Variants in CEP112 observed in about 807,000 individuals in gnomAD.
CEP112 encodes centrosomal protein 112.
In CEP112, 127 loss-of-function variants were observed where a neutral mutation model predicts 153.0. That is an observed-to-expected ratio of 0.83 (90% CI 0.72 to 0.96). CEP112 has a LOEUF of 0.96. CEP112 is among the 40% of genes least tolerant of loss of function. The pLI, the probability that CEP112 is intolerant of heterozygous loss-of-function variation, is 0.00. For missense variants in CEP112, 1,089 were observed against 1,101.2 expected, an observed-to-expected ratio of 0.99 and a Z score of 0.16; for synonymous variants, 358 against 374.4, an observed-to-expected ratio of 0.96 and a Z score of 0.51.
chr17:66,073,019 A>C (rs946322982), intron 8 of CEP112, among the ~76,000 whole-genome samples: 2 of 152,146 alleles, frequency 1.3e-5, no homozygotes, highest in African/African-American at 4.8e-5. Flanking sequence ...AAACATTTCT[A>C]ATTAGTTTGA....
chr17:66,177,745 A>T (rs2072547553), intron 2 of CEP112, among the ~76,000 whole-genome samples: 1 of 151,016 alleles, frequency 6.6e-6, no homozygotes, highest in Non-Finnish European at 1.5e-5. Flanking sequence ...TCTGGAAACC[A>T]TCCTTCTATC....
intron 17 of CEP112, among the ~76,000 whole-genome samples, chr17:65,980,389 T>C (rs1031376118): frequency 6.6e-6 from 1 of 152,212 alleles, no homozygotes; most frequent in Non-Finnish European, 1.5e-5. Context: ...CACAAGTTTT[T>C]GAAGGATAGA....
At chr17:65,986,742 CAG>C (rs769525193) in intron 17 of CEP112, among the ~76,000 whole-genome samples, 3 of 152,194 alleles carry the variant, frequency 2.0e-5, no homozygotes, top group East Asian at 1.9e-4. Flanking sequence ...ACTAGTAAAG[CAG>C]AGTTTCTACA....
chr17:65,743,890 T>A (rs1249184694), intron 22 of CEP112, among the ~76,000 whole-genome samples: 1 of 151,936 alleles, frequency 6.6e-6, no homozygotes, highest in Non-Finnish European at 1.5e-5. Context: ...GCCTCCCGAG[T>A]AGCTGGGATT....
chr17:66,003,899 A>G (rs1328730946), intron 17 of CEP112, among the ~76,000 whole-genome samples: 3 of 152,016 alleles, frequency 2.0e-5, no homozygotes, highest in African/African-American at 7.2e-5. Context: ...CCCACCCCCT[A>G]TCCATGGAAA....
At chr17:65,651,040 G>A (rs1170998893) in intron 24 of CEP112, among the ~76,000 whole-genome samples, 2 of 152,084 alleles carry the variant, frequency 1.3e-5, no homozygotes, top group Non-Finnish European at 2.9e-5. Context: ...ACCATCACCT[G>A]AGCAGTGTAC....
chr17:66,011,287 T>C (rs1188099248), intron 16 of CEP112, among the ~76,000 whole-genome samples: 1 of 152,170 alleles, frequency 6.6e-6, no homozygotes, highest in Non-Finnish European at 1.5e-5. Context: ...GGTTTGCTCA[T>C]TTCTCTGGTT....
intron 21 of CEP112, among the ~76,000 whole-genome samples, chr17:65,821,516 A>AAT (rs2056554162): frequency 3.0e-3 from 87 of 29,022 alleles, no homozygotes; most frequent in African/African-American, 8.1e-3. Flanking sequence ...ATATATAATT[A>AAT]TATATATATA....
chr17:65,687,160 A>ATTTTTTTTTTTTTTTTTTTTTTTTT (rs35675811), intron 24 of CEP112, among the ~76,000 whole-genome samples: 3 of 90,142 alleles, frequency 3.3e-5, no homozygotes, highest in Admixed American at 1.4e-4. Flanking sequence ...GTTATTATTA[A>ATTTTTTTTTTTTTTTTTTTTTTTTT]TTTTTTTTTT....
At chr17:66,138,046 C>T (rs904491811) in intron 4 of CEP112, among the ~76,000 whole-genome samples, 60 of 152,210 alleles carry the variant, frequency 3.9e-4, no homozygotes, top group African/African-American at 1.3e-3. Context: ...CATTGCTCAC[C>T]GCACAGAAAG....
intron 19 of CEP112, among the ~76,000 whole-genome samples, chr17:65,911,056 T>C (rs2143812212): frequency 6.6e-6 from 1 of 152,278 alleles, no homozygotes. Flanking sequence ...TATGCCCAGC[T>C]AAGGTATCCT....
At chr17:66,095,683 AATG>A (rs1265760460) in intron 8 of CEP112, among the ~76,000 whole-genome samples, 2 of 152,250 alleles carry the variant, frequency 1.3e-5, no homozygotes, top group African/African-American at 4.8e-5. Context: ...TACAAAAAAT[AATG>A]ATAAGTCTGT....
intron 18 of CEP112, among the ~76,000 whole-genome samples, chr17:65,940,877 T>G (rs2061484978): frequency 6.6e-6 from 1 of 152,148 alleles, no homozygotes; most frequent in Non-Finnish European, 1.5e-5. Context: ...GAGAGTATAT[T>G]TCAAATAGTC....
intron 3 of CEP112, 172 bp downstream of exon 3, chr17:66,176,658 T>C (rs1005128125): frequency 6.5e-6 from 3 of 459,496 alleles, no homozygotes; most frequent in Admixed American, 7.7e-5. Context: ...TTATAAGCAA[T>C]ACATGTATTT....
At chr17:65,837,799 T>C (rs1023310977) in intron 21 of CEP112, among the ~76,000 whole-genome samples, 1 of 152,204 alleles carries the variant, frequency 6.6e-6, no homozygotes, top group Non-Finnish European at 1.5e-5. Context: ...CCCAACCCCG[T>C]GCTCTCTGAA....
chr17:66,015,982 C>T (rs1347591199), intron 16 of CEP112, among the ~76,000 whole-genome samples: 2 of 152,140 alleles, frequency 1.3e-5, no homozygotes, highest in Non-Finnish European at 2.9e-5. Flanking sequence ...CTTCATATCG[C>T]TGATTTAATT....
chr17:65,661,524 C>G (rs2046384929), intron 24 of CEP112, among the ~76,000 whole-genome samples: 1 of 152,154 alleles, frequency 6.6e-6, no homozygotes, highest in South Asian at 2.1e-4. Flanking sequence ...TACCCGAGAG[C>G]CTCCGCTTGT....
Position 65,635,915 on chromosome 17 carries a change from T to C in CEP112, c.*56A>G. 6.3e-6 allele frequency: 10 copies of C among 1,576,244 alleles called. No individual in the cohort carries two copies. The highest frequency in any genetic ancestry group is 8.6e-6 in the Non-Finnish European group (10 of 1,156,272). On this transcript the variant is annotated 3_prime_UTR_variant, in exon 27 of 27. Transcript: ENST00000535342. Reference sequence around the variant, plus strand: ...ACAATATCCAAATCTTCAAACCTGCTGGAAGAAGTCCACAGCACAGCCTGG... The same window carrying C: ...ACAATATCCAAATCTTCAAACCTGCCGGAAGAAGTCCACAGCACAGCCTGG...
chr17:66,007,063 T>G (rs1598087450), intron 16 of CEP112, among the ~76,000 whole-genome samples: 2 of 152,242 alleles, frequency 1.3e-5, no homozygotes, highest in East Asian at 3.8e-4. Context: ...TTAAAAATTC[T>G]TTTGGATTTC....
Sources: gnomAD v4.1 joint callset for allele counts (sites outside exome capture counted in the v4.1 genomes callset) on GRCh38, gnomAD v4.1.1 for gene constraint, MANE v1.5 for transcripts, NCBI Gene and HGNC (gene_info 2026-07-23, HGNC 2026-07-21) for gene names.